The following RPS14 variants were observed in gnomAD, a reference collection of about 807,000 sequenced individuals.
The protein encoded by RPS14 is ribosomal protein S14.
RPS14 carries 1 observed loss-of-function variant against 15.4 expected under a neutral mutation model. The ratio of observed to expected loss-of-function variants is 0.07; its 90% CI spans 0.02 to 0.31. The LOEUF (loss-of-function observed/expected upper bound fraction) is 0.31, where lower values mean the gene tolerates loss of function less well. Among genes scored for constraint, RPS14 ranks in the 10% least tolerant of loss-of-function variants. The pLI is 1.00. For missense variants in RPS14, 69 were observed against 205.5 expected, an observed-to-expected ratio of 0.34 and a Z score of 4.06; for synonymous variants, 68 against 74.4, an observed-to-expected ratio of 0.91 and a Z score of 0.44.
intron 3 of RPS14, 87 bp from the exon 4 acceptor site, chr5:150,445,772 C>G: frequency 9.9e-7 from 1 of 1,008,496 alleles, no homozygotes; most frequent in South Asian, 1.4e-5. Context: ...CCCGCTAGTT[C>G]AGAGGTCTGC....
rs753220733 is a variant in RPS14 at position 150,444,334 on chromosome 5, G to C, written c.408C>G (p.Pro136=). The change falls in exon 5 of 5, where the codon CCC becomes CCG. Residue 136 remains proline, a synonymous_variant. Transcript: ENST00000407193. ...CCCCCTTCCTGCGAGTGCTGTCAGA[G>C]GGGATGGGGGTGACATCCTCTGTGG... ...IGRIEDVTPI[P]SDSTRRKGGR... 4.3e-6 allele frequency: 7 copies of C among 1,611,528 alleles called. No individual in the cohort carries two copies. The East Asian group carries it at 1.3e-4, about 31-fold the overall frequency.
chr5:150,449,629 C>A (rs1207973144), intron 1 of RPS14, 74 bp downstream of exon 1: 7 of 152,316 alleles, frequency 4.6e-5, no homozygotes, highest in African/African-American at 9.6e-5. Flanking sequence ...GAAAGACCCC[C>A]GTCTCTCGTC....
At chr5:150,445,035 T>G (rs1771051200) in intron 4 of RPS14, among the ~76,000 whole-genome samples, 1 of 152,120 alleles carries the variant, frequency 6.6e-6, no homozygotes, top group South Asian at 2.1e-4. Context: ...GAAAACAAAA[T>G]CATCCTTCAA....
intron 4 of RPS14, among the ~76,000 whole-genome samples, chr5:150,444,861 C>CAAA (rs58978883): frequency 1.4e-5 from 2 of 138,140 alleles, no homozygotes; most frequent in Admixed American, 7.3e-5. Context: ...CTCCCCGCTA[C>CAAA]AAAAAAAAAA....
chr5:150,444,636 T>C, intron 4 of RPS14: 1 of 622,044 alleles, frequency 1.6e-6, no homozygotes, highest in Non-Finnish European at 3.0e-6. Flanking sequence ...TAGCCCACCG[T>C]CTTCTCTAGA....
Position 150,444,048 on chromosome 5 carries a change from C to A in RPS14, c.*238G>T. 2 of 376,338 alleles carry A rather than the reference C, an allele frequency of 5.3e-6. No homozygotes were observed. The highest frequency in any genetic ancestry group is 4.9e-5 in the South Asian group (1 of 20,484). 23.3% of individuals were successfully genotyped at this position (376,338 alleles called of 1,614,324 possible). A position where few individuals can be genotyped will look rare whatever the true frequency, so the allele number is the denominator to read the frequency against. ...CCAGCATCTCCACTCAAAACGAGGTCTCCAACGCCTTGGTCTGCTTTAGAT... is the reference window on the plus strand; with the variant it reads ...CCAGCATCTCCACTCAAAACGAGGTATCCAACGCCTTGGTCTGCTTTAGAT... On this transcript the variant is annotated 3_prime_UTR_variant, in exon 5 of 5. Transcript: ENST00000407193.
At chr5:150,449,534 C>G (rs946484676) in intron 1 of RPS14, 169 bp downstream of exon 1, 2 of 152,254 alleles carry the variant, frequency 1.3e-5, no homozygotes, top group South Asian at 2.1e-4. Context: ...CTTCTGAGAC[C>G]AGGAACGAAC....
At chr5:150,444,396 G>A (rs770565302) in intron 4 of RPS14, 43 bp from the exon 5 acceptor site, 1 of 1,570,690 alleles carries the variant, frequency 6.4e-7, no homozygotes, top group East Asian at 2.3e-5. Context: ...GAGCTGGATG[G>A]GAAGGGCCCC....
intron 3 of RPS14, 140 bp from the exon 4 acceptor site, chr5:150,445,825 C>T: frequency 2.8e-6 from 2 of 705,718 alleles, no homozygotes; most frequent in Non-Finnish European, 4.9e-6. Context: ...CACAGTGGTT[C>T]ACACCCATAA....
At position 150,445,602 on chromosome 5, in the gene RPS14, C is replaced by A. The variant is rs1771071015; in HGVS notation, c.388+7G>T. On this transcript the variant is annotated splice_region_variant and intron_variant, in intron 4 of 4. Transcript: ENST00000407193. ...AACCCAAGCATTAGCTAGAGGGGGG[C>A]ACTTACCAATCCGCCCGATCTTCAT... 2 of 1,613,048 alleles carry A rather than the reference C, an allele frequency of 1.2e-6. No individual in the cohort carries two copies. The highest frequency in any genetic ancestry group is 3.3e-5 in the Admixed American group (2 of 59,798).
At position 150,446,861 on chromosome 5, in the gene RPS14, C is replaced by T. The variant is rs145118208; in HGVS notation, c.252G>A (p.Arg84=). The part of the protein sequence containing the change: ...AMLAAQDVAQ[R]CKELGITALH... ...GGGCGGTGATACCCAGCTCCTTGCA[C>T]CTCTGGGCCACATCCTGGGCAGCCA... The change falls in exon 3 of 5, where the codon AGG becomes AGA. Residue 84 remains arginine (R), a synonymous_variant. Coordinates refer to ENST00000407193, the MANE Select transcript of RPS14 (RefSeq NM_005617.4). The surrounding 1 kb of genome is among the most constrained non-coding windows in gnomAD (Gnocchi z 4.2). The T allele has an allele frequency of 6.2e-7, 1 of 1,614,058 alleles. No homozygotes were observed. The highest frequency in any genetic ancestry group is 1.3e-5 in the African/African-American group (1 of 74,932).
Position 150,446,957 on chromosome 5 carries a change from G to A in RPS14, c.156C>T (p.Thr52=). 6.2e-7 allele frequency: 1 copy of A among 1,614,098 alleles called. No individual in the cohort carries two copies. The highest frequency in any genetic ancestry group is 2.2e-5 in the East Asian group (1 of 44,882). The change falls in exon 3 of 5, where the codon ACC becomes ACT. Residue 52 remains threonine, a synonymous_variant. Coordinates refer to ENST00000407193, the MANE Select transcript of RPS14 (RefSeq NM_005617.4). This position sits in a 1 kb window ranked among gnomAD's most constrained non-coding sequence, Gnocchi z 4.2. ...TCATCCCACCAGTCACACGGCAGAT[G>A]GTTTCCCTGGGGACAAAAGCACAGG... ...VHVTDLSGKE[T]ICRVTGGMKV...
Position 150,447,739 on chromosome 5 carries a change from A to G in RPS14, c.-2-4T>C. ...TTCCCCTTTCGAGGTGCCATTTCTG[A>G]GTGGAAGGAAAAGAAACTCAAGGTT... On this transcript the variant is annotated splice_polypyrimidine_tract_variant and splice_region_variant and intron_variant, in intron 1 of 4. Transcript: ENST00000407193. 6.2e-7 allele frequency: 1 copy of G among 1,611,946 alleles called. No homozygotes were observed. Among genetic ancestry groups the G allele is most frequent in the Non-Finnish European group, 8.5e-7 (1 of 1,178,436 alleles).
chr5:150,444,442 A>G (rs947857051), intron 4 of RPS14, 89 bp from the exon 5 acceptor site: 56 of 1,062,276 alleles, frequency 5.3e-5, no homozygotes, highest in Non-Finnish European at 7.6e-5. Context: ...ACCAATCAGC[A>G]ACAGATCCTG....
At chr5:150,444,593 C>G (rs1031461209) in intron 4 of RPS14, 1 of 668,240 alleles carries the variant, frequency 1.5e-6, no homozygotes, top group African/African-American at 1.8e-5. Flanking sequence ...CGCAAGATGT[C>G]AGAGGCACAG....
At chr5:150,445,374 C>A (rs1771061091) in intron 4 of RPS14, 2 of 670,272 alleles carry the variant, frequency 3.0e-6, no homozygotes, top group Non-Finnish European at 5.4e-6. Context: ...GTTTTACCTG[C>A]ACCAGGCAGT....
At chr5:150,449,154 C>T (rs1315334304) in intron 1 of RPS14, 1 of 152,200 alleles carries the variant, frequency 6.6e-6, no homozygotes, top group Non-Finnish European at 1.5e-5. Flanking sequence ...GCCCTGAGCG[C>T]CCAGAACTTG....
Position 150,444,135 on chromosome 5 carries a change from T to C in RPS14, c.*151A>G. 8.3e-7 allele frequency: 1 copy of C among 1,204,368 alleles called. No homozygotes were observed. Among genetic ancestry groups the C allele is most frequent in the Non-Finnish European group, 1.1e-6 (1 of 899,590 alleles). The allele number at this position is 1,204,368 out of a possible 1,614,324, so 74.6% of individuals were successfully genotyped here. On this transcript the variant is annotated 3_prime_UTR_variant, in exon 5 of 5. Coordinates refer to ENST00000407193, the MANE Select transcript of RPS14 (RefSeq NM_005617.4). ...AGACCCCAAATGCAGCACCAGGATC[T>C]CAGCTCTCCTCAGGCTCCTTTCTCC...
At position 150,444,221 on chromosome 5, in the gene RPS14, G is replaced by GACT; in HGVS notation, c.*64_*65insAGT. 1.9e-6 allele frequency: 3 copies of GACT among 1,551,678 alleles called. No homozygotes were observed. Among genetic ancestry groups the GACT allele is most frequent in the Non-Finnish European group, 1.7e-6 (2 of 1,144,860 alleles). ...GAGTAGCCCCTGATGAAGGAGAGAA[G>GACT]GCTGGAGTTGAAACAGTTTACATGA... On this transcript the variant is annotated 3_prime_UTR_variant, in exon 5 of 5. Coordinates refer to ENST00000407193, the MANE Select transcript of RPS14 (RefSeq NM_005617.4).
Sources: allele counts gnomAD v4.1 joint callset (sites outside exome capture counted in the v4.1 genomes callset), GRCh38; gene constraint gnomAD v4.1.1; non-coding constraint Gnocchi (gnomAD v3.1); transcripts MANE v1.5; gene names NCBI Gene and HGNC (gene_info 2026-07-23, HGNC 2026-07-21).